Variants in TMEM117 observed in about 807,000 individuals in gnomAD.
TMEM117 encodes transmembrane protein 117.
A neutral mutation model predicts 52.4 loss-of-function variants in TMEM117; 27 were observed. That is an observed-to-expected ratio of 0.51 (90% CI 0.38 to 0.71). The LOEUF (loss-of-function observed/expected upper bound fraction) is 0.71, where lower values mean the gene tolerates loss of function less well. Ranked by LOEUF, TMEM117 falls within the 30% of genes least tolerant of loss-of-function variation. TMEM117 has a pLI of 0.00. For missense variants in TMEM117, 556 were observed against 630.5 expected, an observed-to-expected ratio of 0.88 and a Z score of 1.26; for synonymous variants, 215 against 206.3, an observed-to-expected ratio of 1.04 and a Z score of -0.36.
intron 3 of TMEM117, among the ~76,000 whole-genome samples, chr12:43,998,505 G>C (rs1475912301): frequency 6.6e-6 from 1 of 152,172 alleles, no homozygotes; most frequent in East Asian, 1.9e-4. Flanking sequence ...TTAGGTTAAT[G>C]TCTACCATAT....
intron 2 of TMEM117, among the ~76,000 whole-genome samples, chr12:43,893,268 C>T (rs1157804927): frequency 6.6e-6 from 1 of 152,110 alleles, no homozygotes; most frequent in South Asian, 2.1e-4. Context: ...TGTAAGAGAA[C>T]AAGAATGGAA....
rs540435779 is a variant in TMEM117 at position 43,872,578 on chromosome 12, A to G, written c.277+27650A>G. Among the ~76,000 whole-genome samples, 5 of 152,350 alleles carry G rather than the reference A, an allele frequency of 3.3e-5. No homozygotes were observed. In the East Asian group the frequency reaches 7.7e-4, roughly 24 times the overall value. On this transcript the variant is annotated intron_variant, in intron 2 of 7. Transcript: ENST00000266534. The stretch of plus-strand genomic sequence containing the variant: ...TTTAATGTTACCAGAGAATTAGCTT[A>G]TTCAAGAATGGAAGATCATAAATCA...
At chr12:44,000,684 A>G (rs1216065478) in intron 3 of TMEM117, among the ~76,000 whole-genome samples, 1 of 152,188 alleles carries the variant, frequency 6.6e-6, no homozygotes, top group Non-Finnish European at 1.5e-5. Context: ...GCAAGGGCTA[A>G]GAGTGTTCAG....
intron 3 of TMEM117, among the ~76,000 whole-genome samples, chr12:44,011,808 G>A (rs1946295212): frequency 6.6e-6 from 1 of 152,030 alleles, no homozygotes; most frequent in African/African-American, 2.4e-5. Flanking sequence ...AATATCTTAT[G>A]GTGTTATACC....
At chr12:44,085,298 T>A (rs185044843) in intron 3 of TMEM117, among the ~76,000 whole-genome samples, 1 of 152,306 alleles carries the variant, frequency 6.6e-6, no homozygotes, top group Non-Finnish European at 1.5e-5. Context: ...CTTTACATAG[T>A]GCTCAATAAA....
At chr12:43,822,619 T>C in the TMEM117 span, among the ~76,000 whole-genome samples, 1 of 152,140 alleles carries the variant, frequency 6.6e-6, no homozygotes, top group African/African-American at 2.4e-5. Context: ...GTATAATAAA[T>C]GATATGTTTA....
At chr12:44,213,113 A>C (rs917422810) in intron 5 of TMEM117, among the ~76,000 whole-genome samples, 4 of 152,164 alleles carry the variant, frequency 2.6e-5, no homozygotes, top group Non-Finnish European at 1.5e-5. Flanking sequence ...ATATAATTTA[A>C]TGATTATAAG....
At chr12:44,002,261 G>C (rs1193451659) in intron 3 of TMEM117, among the ~76,000 whole-genome samples, 1 of 152,154 alleles carries the variant, frequency 6.6e-6, no homozygotes, top group African/African-American at 2.4e-5. Context: ...ATGGGCCCAA[G>C]GTGAAGAAAT....
At chr12:44,097,352 A>G (rs111943816) in intron 3 of TMEM117, among the ~76,000 whole-genome samples, 15,625 of 152,058 alleles carry the variant, frequency 0.1, 917 homozygotes, top group Middle Eastern at 0.2. Flanking sequence ...TGACCCAGCC[A>G]TCCCGTTACT....
chr12:44,241,048 T>C (rs1207089062), intron 5 of TMEM117, among the ~76,000 whole-genome samples: 4 of 152,030 alleles, frequency 2.6e-5, no homozygotes, highest in African/African-American at 9.7e-5. Flanking sequence ...CCATGAATGA[T>C]CAAGTCCCTT....
At chr12:43,922,949 C>G (rs566300679) in intron 2 of TMEM117, among the ~76,000 whole-genome samples, 2 of 152,296 alleles carry the variant, frequency 1.3e-5, no homozygotes, top group African/African-American at 4.8e-5. Context: ...AATCTGCAGG[C>G]ATGGGACTTC....
chr12:44,129,895 C>T (rs1251356656), intron 3 of TMEM117, among the ~76,000 whole-genome samples: 1 of 152,182 alleles, frequency 6.6e-6, no homozygotes, highest in Non-Finnish European at 1.5e-5. Flanking sequence ...CTCTTCACTA[C>T]ATCATTAATT....
chr12:43,824,955 A>G, the TMEM117 span, among the ~76,000 whole-genome samples: 1 of 152,158 alleles, frequency 6.6e-6, no homozygotes, highest in Non-Finnish European at 1.5e-5. Context: ...AAACAAAACA[A>G]AAAGAAAACC....
At chr12:43,931,598 T>G (rs113373010) in intron 2 of TMEM117, among the ~76,000 whole-genome samples, 7 of 152,328 alleles carry the variant, frequency 4.6e-5, no homozygotes, top group African/African-American at 1.4e-4. Flanking sequence ...TTTCAAATAT[T>G]TTACATTTGG....
At chr12:44,246,773 A>G (rs1203516212) in intron 5 of TMEM117, among the ~76,000 whole-genome samples, 2 of 152,226 alleles carry the variant, frequency 1.3e-5, no homozygotes, top group Admixed American at 1.3e-4. Flanking sequence ...AACAGTCTCA[A>G]TGGAGCAATT....
intron 3 of TMEM117, among the ~76,000 whole-genome samples, chr12:44,035,225 AC>A (rs1170495503): frequency 4.6e-5 from 7 of 152,180 alleles, no homozygotes; most frequent in African/African-American, 1.7e-4. Flanking sequence ...TCTGATTAGT[AC>A]AGTAAGGATG....
At chr12:43,833,752 G>T (rs1314498369), upstream of TMEM117, among the ~76,000 whole-genome samples, 3 of 151,952 alleles carry the variant, frequency 2.0e-5, no homozygotes, top group Non-Finnish European at 4.4e-5. Context: ...TTGCACCACT[G>T]CACGCCAGCC....
chr12:44,021,983 T>C (rs1419444701), intron 3 of TMEM117, among the ~76,000 whole-genome samples: 2 of 152,214 alleles, frequency 1.3e-5, no homozygotes, highest in Non-Finnish European at 2.9e-5. Flanking sequence ...GTAATATATA[T>C]CTATGAGTAT....
chr12:44,219,470 TAAGC>T (rs1203418808), intron 5 of TMEM117, among the ~76,000 whole-genome samples: 4 of 152,166 alleles, frequency 2.6e-5, no homozygotes, highest in Non-Finnish European at 5.9e-5. Flanking sequence ...TTATGGAGGT[TAAGC>T]AAGAAAAAGA....
Sources: gnomAD v4.1 joint callset for allele counts (sites outside exome capture counted in the v4.1 genomes callset) on GRCh38, gnomAD v4.1.1 for gene constraint, MANE v1.5 for transcripts, NCBI Gene and HGNC (gene_info 2026-07-23, HGNC 2026-07-21) for gene names.